C4orf54: variants seen among roughly 807,000 people sequenced by gnomAD.
The protein encoded by C4orf54 is chromosome 4 open reading frame 54, also known as uncharacterized protein C4orf54.
A neutral mutation model predicts 80.1 loss-of-function variants in C4orf54; 67 were observed. The ratio of observed to expected loss-of-function variants is 0.84; its 90% CI spans 0.69 to 1.03. The LOEUF (loss-of-function observed/expected upper bound fraction) is 1.03. C4orf54 is among the 50% of genes least tolerant of loss of function. The pLI is 0.00. For synonymous variants in C4orf54, 1,000 were observed against 917.0 expected (o/e 1.09, Z -1.64); for missense variants, 2,434 against 2,253.5 (o/e 1.08, Z -1.62).
intron 1 of C4orf54, among the ~76,000 whole-genome samples, chr4:99,654,977 A>G (rs1348605334): frequency 3.3e-5 from 5 of 152,218 alleles, no homozygotes; most frequent in African/African-American, 4.8e-5. Context: ...CAAATTTTTC[A>G]CGCATTTCGC....
At position 99,654,174 on chromosome 4, in the gene C4orf54, C is replaced by T. The variant is rs1312193080; in HGVS notation, c.475G>A (p.Ala159Thr). The T allele has an allele frequency of 2.0e-6, 3 of 1,536,230 alleles. No homozygotes were observed. Among genetic ancestry groups the T allele is most frequent in the South Asian group, 2.4e-5 (2 of 84,068 alleles). Reference protein sequence around the residue: ...PPELNSKARQAEVGDGVSSAQ... With the variant: ...PPELNSKARQTEVGDGVSSAQ... The stretch of plus-strand genomic sequence containing the variant: ...CTGCTCACCCCGTCCCCCACCTCCG[C>T]CTGTCTTGCTTTCGAATTCAGCTCA... Residue 159 changes from alanine to threonine, a missense_variant, in exon 2 of 3, where the codon GCG becomes ACG. By Grantham distance (58) the Ala-to-Thr change is moderately conservative (BLOSUM62 0). Transcript: ENST00000511828.
rs540155576 is a variant in C4orf54, at chr4:99,638,488, A to C, written c.*2745T>G. On this transcript the variant is annotated 3_prime_UTR_variant, in exon 3 of 3. Transcript: ENST00000511828. The stretch of plus-strand genomic sequence containing the variant: ...GGATATTATAAAAGCCAGACTCTGC[A>C]ATTCTGATTAGATTCAAGTTCAAGG... The C allele has an allele frequency of 2.0e-5, 3 of 152,284 alleles. No individual in the cohort carries two copies. The South Asian group carries it at 6.2e-4, about 32-fold the overall frequency. The allele number at this position is 152,284 out of a possible 1,614,324, so 9.4% of individuals were successfully genotyped here. A position where few individuals can be genotyped will look rare whatever the true frequency, so the allele number is the denominator to read the frequency against.
At position 99,649,331 on chromosome 4, in the gene C4orf54, G is replaced by T; in HGVS notation, c.5318C>A (p.Pro1773Gln). The T allele has an allele frequency of 6.5e-7, 1 of 1,535,962 alleles. No individual in the cohort carries two copies. The highest frequency in any genetic ancestry group is 1.2e-5 in the South Asian group (1 of 84,034). Residue 1773 changes from proline to glutamine, a missense_variant, in exon 2 of 3, where the codon CCA (proline) becomes CAA (glutamine). Pro to Gln is a moderately conservative substitution (Grantham distance 76). Transcript: ENST00000511828. ...AAAGGAAGGGGGAGCAATGATCCGT[G>T]GCCCCAGGGGCTGCGAAGTAATGCT... is the stretch of plus-strand genomic sequence containing the variant. ...VISITSQPLG[P>Q]RIIAPPSFDG...
At chr4:99,642,896 C>T (rs775703508) in intron 2 of C4orf54, among the ~76,000 whole-genome samples, 1 of 152,202 alleles carries the variant, frequency 6.6e-6, no homozygotes, top group Non-Finnish European at 1.5e-5. Flanking sequence ...AAGCTATGCT[C>T]AGAGTTGTAT....
chr4:99,657,745 C>T lies in C4orf54; in HGVS notation c.-282G>A, dbSNP rs1345782260. On this transcript the variant is annotated 5_prime_UTR_variant, in exon 1 of 3. Transcript: ENST00000511828. Reference sequence around the variant, plus strand: ...TAAAACAATTAAGAACCCCAAACTGCTTTCCCTCTGGCATTTTCAGAGTTC... The same window carrying T: ...TAAAACAATTAAGAACCCCAAACTGTTTTCCCTCTGGCATTTTCAGAGTTC... 6.6e-6 allele frequency among the ~76,000 whole-genome samples: 1 copy of T among 152,186 alleles called. No individual in the cohort carries two copies. Among genetic ancestry groups the T allele is most frequent in the East Asian group, 1.9e-4 (1 of 5,202 alleles).
rs1726895327 is a variant in C4orf54, at chr4:99,653,297, T to C, written c.1352A>G (p.Asp451Gly). The change falls in exon 2 of 3, where the codon GAC becomes GGC. Residue 451 changes from aspartate (D) to glycine (G), a missense_variant. Asp to Gly is a moderately conservative substitution (Grantham distance 94). Coordinates refer to ENST00000511828, the MANE Select transcript of C4orf54 (RefSeq NM_001354435.2). ...TTRTPSPTSS[D>G]LARPNAGRSG... ...GCGGCCTGCATTGGGGCGGGCCAGG[T>C]CGCTGCTTGTAGGGCTGGGCGTCCG... The C allele has an allele frequency of 6.5e-7, 1 of 1,530,854 alleles. No individual in the cohort carries two copies. The highest frequency in any genetic ancestry group is 2.0e-5 in the Admixed American group (1 of 50,824). 94.8% of individuals were successfully genotyped at this position (1,530,854 alleles called of 1,614,324 possible).
intron 2 of C4orf54, among the ~76,000 whole-genome samples, chr4:99,647,628 C>G (rs1402083621): frequency 6.6e-6 from 1 of 152,066 alleles, no homozygotes; most frequent in Non-Finnish European, 1.5e-5. Context: ...TGAGGCTGTG[C>G]TTTCAAGTGA....
chr4:99,641,122 G>T lies in C4orf54; in HGVS notation c.*111C>A, dbSNP rs892058878. 1.3e-5 allele frequency: 2 copies of T among 152,034 alleles called. No homozygotes were observed. Among genetic ancestry groups the T allele is most frequent in the African/African-American group, 4.8e-5 (2 of 41,432 alleles). The allele number at this position is 152,034 out of a possible 1,614,324, so 9.4% of individuals were successfully genotyped here. ...TAACACATGTGGAAGAAGTTTTTCA[G>T]ATGAAATAATTCTTAGTGCTATTAC... On this transcript the variant is annotated 3_prime_UTR_variant, in exon 3 of 3. Coordinates refer to ENST00000511828, the MANE Select transcript of C4orf54 (RefSeq NM_001354435.2).
At position 99,652,581 on chromosome 4, in the gene C4orf54, C is replaced by A; in HGVS notation, c.2068G>T (p.Ala690Ser). 6.5e-7 allele frequency: 1 copy of A among 1,536,094 alleles called. No homozygotes were observed. Among genetic ancestry groups the A allele is most frequent in the Non-Finnish European group, 8.7e-7 (1 of 1,146,914 alleles). The change falls in exon 2 of 3, where the codon GCA becomes TCA. Residue 690 changes from alanine (A) to serine (S), a missense_variant. Transcript: ENST00000511828. ...LLRSSAASVA[A>S]GLRKGSGARA... ...GCCCCACTGCCCTTCCTCAGACCTG[C>A]AGCCACAGAGGCCGCGCTGCTCCTG...
chr4:99,646,762 TAA>T (rs1437129572), intron 2 of C4orf54, among the ~76,000 whole-genome samples: 2 of 152,332 alleles, frequency 1.3e-5, no homozygotes, highest in Non-Finnish European at 2.9e-5. Flanking sequence ...ATATCTGCAA[TAA>T]GTCTGGTTTT....
At chr4:99,645,462 A>G (rs1449377170) in intron 2 of C4orf54, among the ~76,000 whole-genome samples, 1 of 151,326 alleles carries the variant, frequency 6.6e-6, no homozygotes, top group Non-Finnish European at 1.5e-5. Flanking sequence ...AATAATTGCA[A>G]TTCTCTTAGG....
intron 2 of C4orf54, among the ~76,000 whole-genome samples, chr4:99,648,339 G>A (rs1041140686): frequency 1.3e-5 from 2 of 152,148 alleles, no homozygotes; most frequent in African/African-American, 4.8e-5. Context: ...TTAGTTGTCA[G>A]GAATCTATTT....
rs1373262808 is a variant in C4orf54, at chr4:99,652,810, C to A, written c.1839G>T (p.Val613=). ...CTTTGTCCGCATCGTCCAGTTCGCT[C>A]ACGGCACTGGAGGCTCCGCTGGAGT... ...VDYSSGASSA[V]SELDDADKEV... is the part of the protein sequence containing the mutation. The change falls in exon 2 of 3, where the codon GTG becomes GTT. Residue 613 remains valine (V), a synonymous_variant. Coordinates refer to ENST00000511828, the MANE Select transcript of C4orf54 (RefSeq NM_001354435.2). The A allele has an allele frequency of 6.5e-7, 1 of 1,536,110 alleles. No individual in the cohort carries two copies. Among genetic ancestry groups the A allele is most frequent in the Non-Finnish European group, 8.7e-7 (1 of 1,146,918 alleles).
In C4orf54 at chr4:99,653,752, G is replaced by A. The variant is rs1560641506; in HGVS notation, c.897C>T (p.Ser299=). 2 of 1,535,952 alleles carry A rather than the reference G, an allele frequency of 1.3e-6. No homozygotes were observed. The highest frequency in any genetic ancestry group is 2.7e-5 in the African/African-American group (2 of 73,048). The part of the protein sequence containing the change: ...STTSTGALAT[S]SSSLGFESES... ...CACTCTCGAAGCCTAAGGATGAAGA[G>A]GAGGTGGCCAGAGCCCCTGTGGATG... The change falls in exon 2 of 3, where the codon TCC becomes TCT. Residue 299 remains serine, a synonymous_variant. Transcript: ENST00000511828.
Position 99,654,203 on chromosome 4 carries a change from G to C in C4orf54, c.446C>G (p.Pro149Arg), listed in dbSNP as rs766699252. The C allele has an allele frequency of 7.2e-6, 11 of 1,536,172 alleles. No homozygotes were observed. Among genetic ancestry groups the C allele is most frequent in the East Asian group, 2.4e-5 (1 of 40,922 alleles). ...PGQGLIMEAA[P>R]PELNSKARQA... ...TCTTGCTTTCGAATTCAGCTCAGGAGGGGCAGCTTCCATTATGAGCCCTTG... is the reference window on the plus strand; with the variant it reads ...TCTTGCTTTCGAATTCAGCTCAGGACGGGCAGCTTCCATTATGAGCCCTTG... Residue 149 changes from proline to arginine, a missense_variant, in exon 2 of 3, where the codon CCT becomes CGT. Physicochemically the swap from Pro to Arg is moderately radical, Grantham distance 103. Coordinates refer to ENST00000511828, the MANE Select transcript of C4orf54 (RefSeq NM_001354435.2).
Position 99,650,034 on chromosome 4 carries a change from G to C in C4orf54, c.4615C>G (p.Pro1539Ala), listed in dbSNP as rs979754246. The C allele has an allele frequency of 5.2e-6, 8 of 1,535,706 alleles. No homozygotes were observed. The African/African-American group carries it at 1.1e-4, about 21-fold the overall frequency. ...RPAWRTKPDN[P>A]RETVAAPPGP... is the part of the protein sequence containing the mutation. The stretch of plus-strand genomic sequence containing the variant: ...GGGGGGGCAGCTACTGTCTCCCGGG[G>C]GTTGTCAGGTTTGGTACGCCAAGCT... The change falls in exon 2 of 3, where the codon CCC becomes GCC. Residue 1539 changes from proline to alanine, a missense_variant. Coordinates refer to ENST00000511828, the MANE Select transcript of C4orf54 (RefSeq NM_001354435.2).
chr4:99,643,793 C>CACACACACACA (rs1553929797), intron 2 of C4orf54, among the ~76,000 whole-genome samples: 10 of 75,270 alleles, frequency 1.3e-4, no homozygotes, highest in South Asian at 4.4e-4. Flanking sequence ...CACACACACA[C>CACACACACACA]CCCCTCCGCG....
chr4:99,654,358 A>G lies in C4orf54; in HGVS notation c.291T>C (p.Pro97=), dbSNP rs1366086058. ...WEVVAAVAAV[P]TALGPVQIRG... ...GTATCTGGACTGGCCCCAAGGCTGT[A>G]GGCACTGCTGCCACTGCTGCCACCA... Residue 97 remains proline, a synonymous_variant, in exon 2 of 3, where the codon CCT becomes CCC. Coordinates refer to ENST00000511828, the MANE Select transcript of C4orf54 (RefSeq NM_001354435.2). 1 of 1,203,898 alleles carries G rather than the reference A, an allele frequency of 8.3e-7. No homozygotes were observed. Among genetic ancestry groups the G allele is most frequent in the Non-Finnish European group, 1.2e-6 (1 of 843,718 alleles). 74.6% of individuals were successfully genotyped at this position (1,203,898 alleles called of 1,614,324 possible).
rs762667646 is a variant in C4orf54 at position 99,650,973 on chromosome 4, C to T, written c.3676G>A (p.Ala1226Thr). The change falls in exon 2 of 3, where the codon GCT (alanine) becomes ACT (threonine). Residue 1226 changes from alanine (A) to threonine (T), a missense_variant. By Grantham distance (58) the Ala-to-Thr change is moderately conservative. Coordinates refer to ENST00000511828, the MANE Select transcript of C4orf54 (RefSeq NM_001354435.2). ...YLPVLKIVSK[A>T]STQKTPEKLK... ...TTCTCTGGGGTCTTCTGGGTGGAAG[C>T]CTTGGAGACAATCTTGAGCACAGGC... is the stretch of plus-strand genomic sequence containing the variant. 3 of 1,536,138 alleles carry T rather than the reference C, an allele frequency of 2.0e-6. No individual in the cohort carries two copies. Among genetic ancestry groups the T allele is most frequent in the East Asian group, 2.4e-5 (1 of 40,910 alleles).
Sources: gnomAD v4.1 joint callset for allele counts (sites outside exome capture counted in the v4.1 genomes callset) on GRCh38, gnomAD v4.1.1 for gene constraint, MANE v1.5 for transcripts, NCBI Gene and HGNC (gene_info 2026-07-23, HGNC 2026-07-21) for gene names.